The following LCK variants were observed in gnomAD, a reference collection of about 807,000 sequenced individuals.
LCK encodes the protein LCK proto-oncogene, Src family tyrosine kinase, also known as tyrosine-protein kinase Lck.
In LCK, 14 loss-of-function variants were observed where a neutral mutation model predicts 64.6. The ratio of observed to expected loss-of-function variants is 0.22; its 90% CI spans 0.14 to 0.34. LCK has a LOEUF of 0.34. Among genes scored for constraint, LCK ranks in the 10% least tolerant of loss-of-function variants. The pLI, the probability that LCK is intolerant of heterozygous loss-of-function variation, is 1.00. For synonymous variants in LCK, 277 were observed against 263.6 expected (o/e 1.05, Z -0.49); for missense variants, 434 against 668.1 (o/e 0.65, Z 3.86).
chr1:32,255,796 A>ATTTTTTTTTTTTTTTTTTTTTT, intron 1 of LCK, among the ~76,000 whole-genome samples: 1 of 142,652 alleles, frequency 7.0e-6, no homozygotes, highest in African/African-American at 2.7e-5. Flanking sequence ...TACCCATTAA[A>ATTTTTTTTTTTTTTTTTTTTTT]TTTATTTTTT....
At chr1:32,263,030 AG>A (rs376838954) in intron 1 of LCK, among the ~76,000 whole-genome samples, 154 of 152,206 alleles carry the variant, frequency 1.0e-3, no homozygotes, top group Middle Eastern at 6.8e-3. Flanking sequence ...GCCTCTGACT[AG>A]GGCATGTAAT....
chr1:32,258,987 G>A (rs1639697716), intron 1 of LCK, among the ~76,000 whole-genome samples: 1 of 150,934 alleles, frequency 6.6e-6, no homozygotes, highest in Non-Finnish European at 1.5e-5. Context: ...TTGTGTCACT[G>A]CACTCCAGTC....
chr1:32,253,444 C>T (rs1179248002), intron 1 of LCK, among the ~76,000 whole-genome samples: 1 of 152,132 alleles, frequency 6.6e-6, no homozygotes, highest in African/African-American at 2.4e-5. Context: ...CCACCATGCC[C>T]AGCTAATTTT....
chr1:32,259,870 G>C (rs1344065563), intron 1 of LCK, among the ~76,000 whole-genome samples: 1 of 151,850 alleles, frequency 6.6e-6, no homozygotes, highest in Non-Finnish European at 1.5e-5. Context: ...ATGCCTGCTA[G>C]CCCTGATTCT....
chr1:32,277,874 G>A (rs1640329700), intron 9 of LCK, among the ~76,000 whole-genome samples: 2 of 152,144 alleles, frequency 1.3e-5, no homozygotes, highest in Admixed American at 6.6e-5. Context: ...TGCATACAGA[G>A]CAGTTAGAAC....
At chr1:32,284,403 T>G (rs997106249) in intron 12 of LCK, among the ~76,000 whole-genome samples, 1 of 149,930 alleles carries the variant, frequency 6.7e-6, no homozygotes, top group Non-Finnish European at 1.5e-5. Context: ...CTTGAGTTGC[T>G]CAGGCTGGAG....
At chr1:32,281,864 AC>A (rs1180473059) in intron 12 of LCK, among the ~76,000 whole-genome samples, 5 of 151,972 alleles carry the variant, frequency 3.3e-5, no homozygotes, top group Non-Finnish European at 5.9e-5. Flanking sequence ...GGTGTTCGAG[AC>A]CAGCCTGACC....
rs183589508 is a variant in LCK at position 32,281,866 on chromosome 1, C to T, written c.1327+1656C>T. The stretch of plus-strand genomic sequence containing the variant: ...GATCACAAGGTCAGGTGTTCGAGAC[C>T]AGCCTGACCAACATGGTGAAACCCC... On this transcript the variant is annotated intron_variant, in intron 12 of 12. Coordinates refer to ENST00000336890, the MANE Select transcript of LCK (RefSeq NM_005356.5). 2.0e-4 allele frequency among the ~76,000 whole-genome samples: 31 copies of T among 151,996 alleles called. No homozygotes were observed. In the East Asian group the frequency reaches 6.0e-3, roughly 29 times the overall value.
rs766670406 is a variant in LCK, at chr1:32,285,569, C to A, written c.1383C>A (p.Arg461=). 1.2e-6 allele frequency: 2 copies of A among 1,614,256 alleles called. No individual in the cohort carries two copies. The highest frequency in any genetic ancestry group is 1.7e-6 in the Non-Finnish European group (2 of 1,180,052). Residue 461 remains arginine, a synonymous_variant, in exon 13 of 13, where the codon CGC becomes CGA. Transcript: ENST00000336890. ...QNLERGYRMV[R]PDNCPEELYQ... is the part of the protein sequence containing the mutation. ...TGGAGCGAGGCTACCGCATGGTGCG[C>A]CCTGACAACTGTCCAGAGGAGCTGT...
intron 12 of LCK, among the ~76,000 whole-genome samples, chr1:32,280,561 T>G (rs1411308762): frequency 1.3e-5 from 2 of 149,966 alleles, no homozygotes; most frequent in Non-Finnish European, 3.0e-5. Flanking sequence ...GTTCAAGTGA[T>G]TCTCCTGCCT....
rs373177775 is a variant in LCK at position 32,285,765 on chromosome 1, T to C, written c.*49T>C. 1 of 1,536,022 alleles carries C rather than the reference T, an allele frequency of 6.5e-7. No individual in the cohort carries two copies. Among genetic ancestry groups the C allele is most frequent in the Non-Finnish European group, 8.8e-7 (1 of 1,133,980 alleles). On this transcript the variant is annotated 3_prime_UTR_variant, in exon 13 of 13. Transcript: ENST00000336890. ...TCTCCCCCTTTCTCTCCAGCCTGAC[T>C]TGGGGAGATGGAGTTCTTGTGCCAT... is the stretch of plus-strand genomic sequence containing the variant.
intron 12 of LCK, 21 bp from the exon 13 acceptor site, chr1:32,285,493 C>T: frequency 6.2e-7 from 1 of 1,608,128 alleles, no homozygotes; most frequent in Non-Finnish European, 8.5e-7. Context: ...CCTTGATGTC[C>T]TTTCACCCAT....
chr1:32,259,156 A>G lies in LCK; in HGVS notation c.-6+7785A>G, dbSNP rs540066813. Among the ~76,000 whole-genome samples the G allele has an allele frequency of 2.1e-3, 326 of 152,004 alleles. 1 individual carries two copies. The highest frequency in any genetic ancestry group is 3.7e-3 in the Non-Finnish European group (250 of 67,958). ...CCCATGCCTGTAATCCCAGCACTTT[A>G]AGGGGCTGAGGCAGTGGATTGCTTA... On this transcript the variant is annotated intron_variant, in intron 1 of 12. Transcript: ENST00000336890.
At chr1:32,281,438 CAACAGAG>C (rs138425634) in intron 12 of LCK, among the ~76,000 whole-genome samples, 1 of 121,272 alleles carries the variant, frequency 8.2e-6, no homozygotes, top group African/African-American at 3.2e-5. Flanking sequence ...CCAGCCTGAG[CAACAGAG>C]AGAGAATTTG....
intron 1 of LCK, among the ~76,000 whole-genome samples, chr1:32,261,288 A>G (rs1639762647): frequency 7.7e-6 from 1 of 130,430 alleles, no homozygotes; most frequent in Non-Finnish European, 1.6e-5. Context: ...CACTCCATGG[A>G]CCAGGCTGGA....
intron 1 of LCK, among the ~76,000 whole-genome samples, chr1:32,272,623 A>AAGAGAGAGAGAGAGAGAGAGAG (rs145594259): frequency 9.7e-5 from 12 of 123,096 alleles, no homozygotes; most frequent in Non-Finnish European, 1.9e-4. Flanking sequence ...GAGAGAGAGA[A>AAGAGAGAGAGAGAGAGAGAGAG]AGAGAGAGAG....
intron 9 of LCK, among the ~76,000 whole-genome samples, chr1:32,278,714 G>A (rs112447194): frequency 0.011 from 1,710 of 152,274 alleles, 37 homozygotes; most frequent in African/African-American, 0.039. Context: ...GGAAGTGAGT[G>A]CCAGGAATGA....
rs566805436 is a variant in LCK, at chr1:32,279,455, A to G, written c.965-216A>G. ...CTACCTTATTGGTGATGAAAAACCT[A>G]CAGATCCCTCCCAGCATGCTCTACC... On this transcript the variant is annotated intron_variant, in intron 9 of 12. Transcript: ENST00000336890. 21 of 735,092 alleles carry G rather than the reference A, an allele frequency of 2.9e-5. No individual in the cohort carries two copies. The Middle Eastern group carries it at 1.2e-3, about 41-fold the overall frequency. 45.5% of individuals were successfully genotyped at this position (735,092 alleles called of 1,614,324 possible).
At chr1:32,270,263 T>C (rs1384403439) in intron 1 of LCK, among the ~76,000 whole-genome samples, 1 of 150,418 alleles carries the variant, frequency 6.6e-6, no homozygotes, top group East Asian at 1.9e-4. Flanking sequence ...TTTTTTTTTT[T>C]TTTTTTTTGT....
Sources: gnomAD v4.1 joint callset for allele counts (sites outside exome capture counted in the v4.1 genomes callset) on GRCh38, gnomAD v4.1.1 for gene constraint, MANE v1.5 for transcripts, NCBI Gene and HGNC (gene_info 2026-07-23, HGNC 2026-07-21) for gene names.